Variants in NCOA1 observed in about 807,000 individuals in gnomAD.
NCOA1 encodes the protein Hin-2 protein.
A neutral mutation model predicts 150.9 loss-of-function variants in NCOA1; 35 were observed. The observed-to-expected ratio is 0.23, with a 90% CI of 0.18 to 0.31. The LOEUF (loss-of-function observed/expected upper bound fraction) is 0.31. Ranked by LOEUF, NCOA1 falls within the 10% of genes least tolerant of loss-of-function variation. NCOA1 has a pLI of 1.00. For missense variants in NCOA1, 1,491 were observed against 1,749.3 expected, an observed-to-expected ratio of 0.85 and a Z score of 2.63; for synonymous variants, 590 against 630.0, an observed-to-expected ratio of 0.94 and a Z score of 0.95.
At chr2:24,605,996 C>T (rs957381699) in intron 3 of NCOA1, among the ~76,000 whole-genome samples, 4 of 152,062 alleles carry the variant, frequency 2.6e-5, no homozygotes, top group Non-Finnish European at 5.9e-5. Flanking sequence ...TTTTAAAGAG[C>T]GTGCTTCTTA....
In NCOA1 at chr2:24,641,531, T is replaced by C. The variant is rs181686239; in HGVS notation, c.-174-2435T>C. 8.7e-4 allele frequency among the ~76,000 whole-genome samples: 133 copies of C among 152,262 alleles called. 1 individual carries two copies. Among genetic ancestry groups the C allele is most frequent in the African/African-American group, 2.6e-3 (108 of 41,560 alleles). ...GAAAAAGTTCCTTTAGTATTTCTTA[T>C]ATATTAATCTTAAAACAGATTATGT... On this transcript the variant is annotated intron_variant, in intron 3 of 22. Transcript: ENST00000348332.
chr2:24,646,300 C>T (rs1283824123), intron 4 of NCOA1, among the ~76,000 whole-genome samples: 5 of 152,214 alleles, frequency 3.3e-5, no homozygotes, highest in South Asian at 4.1e-4. Context: ...TCTACCATTA[C>T]GATGACAATG....
chr2:24,637,772 C>T (rs957469529), intron 3 of NCOA1, among the ~76,000 whole-genome samples: 4 of 151,988 alleles, frequency 2.6e-5, no homozygotes, highest in Non-Finnish European at 4.4e-5. Context: ...TTCGGCTCAC[C>T]GCAACCTCCG....
At chr2:24,624,640 T>C (rs2148415812) in intron 3 of NCOA1, among the ~76,000 whole-genome samples, 1 of 152,364 alleles carries the variant, frequency 6.6e-6, no homozygotes. Context: ...TGCTACTGAG[T>C]GTTTTGTTGA....
At chr2:24,698,300 A>G (rs1045005853) in intron 11 of NCOA1, among the ~76,000 whole-genome samples, 1 of 152,140 alleles carries the variant, frequency 6.6e-6, no homozygotes, top group Admixed American at 6.6e-5. Flanking sequence ...GATCATTCTC[A>G]GCAGAACAAG....
intron 1 of NCOA1, among the ~76,000 whole-genome samples, chr2:24,560,101 G>C (rs1045578511): frequency 1.3e-5 from 2 of 152,130 alleles, no homozygotes. Context: ...TTTCTTGTGA[G>C]CACCTGGTCA....
At chr2:24,507,405 A>G (rs1663743203) in intron 1 of NCOA1, among the ~76,000 whole-genome samples, 1 of 150,396 alleles carries the variant, frequency 6.6e-6, no homozygotes, top group South Asian at 2.1e-4. Flanking sequence ...TGCCAGGTCC[A>G]GAACATATAC....
intron 3 of NCOA1, among the ~76,000 whole-genome samples, chr2:24,641,763 C>A (rs1358658527): frequency 6.6e-6 from 1 of 152,052 alleles, no homozygotes; most frequent in African/African-American, 2.4e-5. Flanking sequence ...GACGTGCTAC[C>A]TTGCCCAAGC....
intron 4 of NCOA1, among the ~76,000 whole-genome samples, chr2:24,650,478 A>G (rs1231581711): frequency 6.6e-6 from 1 of 152,182 alleles, no homozygotes; most frequent in African/African-American, 2.4e-5. Flanking sequence ...AAGAAAATGA[A>G]AAGAGAAACC....
intron 1 of NCOA1, among the ~76,000 whole-genome samples, chr2:24,527,735 C>G (rs1449591895): frequency 6.6e-6 from 1 of 152,164 alleles, no homozygotes; most frequent in Non-Finnish European, 1.5e-5. Context: ...TCTTTAGGAA[C>G]CTCCATAACA....
At chr2:24,695,559 C>T (rs779055502) in intron 10 of NCOA1, among the ~76,000 whole-genome samples, 2 of 152,052 alleles carry the variant, frequency 1.3e-5, no homozygotes, top group Non-Finnish European at 2.9e-5. Flanking sequence ...ATAGAATTGA[C>T]TTAGCTAAAA....
At chr2:24,635,983 T>A (rs1459085549) in intron 3 of NCOA1, among the ~76,000 whole-genome samples, 1 of 152,176 alleles carries the variant, frequency 6.6e-6, no homozygotes, top group Admixed American at 6.5e-5. Context: ...CATTCCACCT[T>A]AATATGGAAT....
intron 3 of NCOA1, among the ~76,000 whole-genome samples, chr2:24,621,166 C>G (rs1454994224): frequency 6.6e-6 from 1 of 152,032 alleles, no homozygotes; most frequent in African/African-American, 2.4e-5. Context: ...GAGGAGTTCC[C>G]TTATTCACCT....
chr2:24,658,159 T>C (rs1011054945), intron 4 of NCOA1, among the ~76,000 whole-genome samples: 1 of 152,224 alleles, frequency 6.6e-6, no homozygotes, highest in South Asian at 2.1e-4. Context: ...AAAATCTAAA[T>C]CTAGTTTATC....
intron 4 of NCOA1, among the ~76,000 whole-genome samples, chr2:24,646,255 C>G (rs1225665290): frequency 2.0e-5 from 3 of 152,136 alleles, no homozygotes; most frequent in African/African-American, 7.2e-5. Flanking sequence ...TGCTTTATCT[C>G]TCTCTGTATT....
At chr2:24,494,390 T>G (rs1572343198) in intron 1 of NCOA1, among the ~76,000 whole-genome samples, 1 of 152,212 alleles carries the variant, frequency 6.6e-6, no homozygotes, top group African/African-American at 2.4e-5. Context: ...TCCCAAGGAC[T>G]CCACATTGTT....
chr2:24,652,840 A>C (rs1021829638), intron 4 of NCOA1, among the ~76,000 whole-genome samples: 13 of 151,728 alleles, frequency 8.6e-5, no homozygotes, highest in African/African-American at 2.9e-4. Context: ...TGAAACCAGC[A>C]TTTATTTTCT....
rs1436910742 is a variant in NCOA1 at position 24,665,827 on chromosome 2, C to T, written c.168C>T (p.Asp56=). 4 of 1,605,502 alleles carry T rather than the reference C, an allele frequency of 2.5e-6. No individual in the cohort carries two copies. The highest frequency in any genetic ancestry group is 2.6e-6 in the Non-Finnish European group (3 of 1,175,670). Residue 56 remains aspartate (D), a synonymous_variant, in exon 6 of 23, where the codon GAC becomes GAT. Transcript: ENST00000348332. ...LAELLSANIS[D]IDSLSVKPDK... is the part of the protein sequence containing the mutation. Reference sequence around the variant, plus strand: ...AGTTACTGTCTGCCAACATTAGTGACATTGACAGCTTGAGTGTAAAACCAG... The same window carrying T: ...AGTTACTGTCTGCCAACATTAGTGATATTGACAGCTTGAGTGTAAAACCAG...
intron 4 of NCOA1, among the ~76,000 whole-genome samples, chr2:24,654,520 C>G (rs1426468813): frequency 6.6e-6 from 1 of 152,030 alleles, no homozygotes; most frequent in Non-Finnish European, 1.5e-5. Flanking sequence ...ATTCAGATAC[C>G]AAATTACTAA....
Sources: allele counts gnomAD v4.1 joint callset (sites outside exome capture counted in the v4.1 genomes callset), GRCh38; gene constraint gnomAD v4.1.1; transcripts MANE v1.5; gene names NCBI Gene and HGNC (gene_info 2026-07-23, HGNC 2026-07-21).